The following YEATS2 variants were observed in gnomAD, a reference collection of about 807,000 sequenced individuals.
YEATS2 encodes the protein YEATS domain containing 2.
A neutral mutation model predicts 163.2 loss-of-function variants in YEATS2; 77 were observed. That is an observed-to-expected ratio of 0.47 (90% confidence interval 0.39 to 0.57). The LOEUF (loss-of-function observed/expected upper bound fraction) is 0.57. Among genes scored for constraint, YEATS2 ranks in the 20% least tolerant of loss-of-function variants. YEATS2 has a pLI of 0.00. For missense variants in YEATS2, 1,549 were observed against 1,729.8 expected, an observed-to-expected ratio of 0.90 and a Z score of 1.85; for synonymous variants, 631 against 645.1, an observed-to-expected ratio of 0.98 and a Z score of 0.33.
chr3:183,709,756 C>A (rs1714994187), intron 1 of YEATS2, among the ~76,000 whole-genome samples: 1 of 150,320 alleles, frequency 6.7e-6, no homozygotes, highest in Non-Finnish European at 1.5e-5. Context: ...CGGCTCACTG[C>A]AAGCTCCACC....
intron 1 of YEATS2, among the ~76,000 whole-genome samples, chr3:183,705,184 G>T (rs1447924253): frequency 6.6e-6 from 1 of 151,948 alleles, no homozygotes; most frequent in East Asian, 1.9e-4. Flanking sequence ...CAAGTAGCTG[G>T]GAGTACAGGT....
intron 6 of YEATS2, 49 bp from the exon 7 acceptor site, chr3:183,728,641 G>T: frequency 1.4e-6 from 2 of 1,473,976 alleles, no homozygotes; most frequent in Non-Finnish European, 1.8e-6. Flanking sequence ...ATTTAGTTAG[G>T]TTTTTGAAGG....
intron 2 of YEATS2, among the ~76,000 whole-genome samples, chr3:183,717,110 C>G (rs1715975842): frequency 1.3e-5 from 2 of 152,020 alleles, no homozygotes; most frequent in South Asian, 4.2e-4. Context: ...CCAGGCTGGT[C>G]TCAAACTCCT....
rs1176974770 is a variant in YEATS2 at position 183,796,148 on chromosome 3, A to ATTTTTTTT, written c.3098-1761_3098-1754dup. On this transcript the variant is annotated intron_variant, in intron 21 of 30. Coordinates refer to ENST00000305135, the MANE Select transcript of YEATS2 (RefSeq NM_018023.5). ...CAGGCACCTGCCACCATGCCCGGCT[A>ATTTTTTTT]TTTTTTTTTTTTTTTTTTTTTGTAT... Among the ~76,000 whole-genome samples, 53 of 96,042 alleles carry ATTTTTTTT rather than the reference A, an allele frequency of 5.5e-4. 1 individual carries two copies. The highest frequency in any genetic ancestry group is 1.7e-3 in the African/African-American group (39 of 23,308). The allele number at this position is 96,042 out of a possible 152,430, so 63.0% of individuals were successfully genotyped here.
intron 19 of YEATS2, among the ~76,000 whole-genome samples, chr3:183,783,087 C>T (rs1353679602): frequency 6.6e-6 from 1 of 152,182 alleles, no homozygotes; most frequent in Non-Finnish European, 1.5e-5. Flanking sequence ...GCAAATTATG[C>T]CATGGCTATT....
At chr3:183,803,944 G>T in intron 26 of YEATS2, 43 bp from the exon 27 acceptor site, 2 of 1,599,130 alleles carry the variant, frequency 1.3e-6, no homozygotes, top group Non-Finnish European at 1.7e-6. Flanking sequence ...GTGTTAAGTG[G>T]AAGGATTTGA....
At chr3:183,810,127 G>A (rs1028908195) in intron 30 of YEATS2, 1 of 208,608 alleles carries the variant, frequency 4.8e-6, no homozygotes, top group Non-Finnish European at 9.7e-6. Flanking sequence ...TCTAGGAGAT[G>A]GGAAATAAGG....
intron 7 of YEATS2, among the ~76,000 whole-genome samples, chr3:183,733,649 C>A (rs1214088652): frequency 6.6e-6 from 1 of 152,172 alleles, no homozygotes; most frequent in East Asian, 1.9e-4. Flanking sequence ...CGGCTGCCTT[C>A]AAACTTGGGG....
rs772138647 is a variant in YEATS2 at position 183,797,930 on chromosome 3, A to G, written c.3105A>G (p.Leu1035=). The part of the protein sequence containing the change: ...ISGKATVSGL[L]KIHSSQSSPQ... Reference sequence around the variant, plus strand: ...TCTTCCAATTTGTTCTAGGACTGTTAAAGATTCACTCCAGTCAGTCCAGTC... The same window carrying G: ...TCTTCCAATTTGTTCTAGGACTGTTGAAGATTCACTCCAGTCAGTCCAGTC... The change falls in exon 22 of 31, where the codon TTA becomes TTG. Residue 1035 remains leucine (L), a synonymous_variant. Transcript: ENST00000305135. 1.2e-6 allele frequency: 2 copies of G among 1,614,016 alleles called. No individual in the cohort carries two copies. The highest frequency in any genetic ancestry group is 2.2e-5 in the South Asian group (2 of 91,076).
chr3:183,733,659 G>T (rs1718042308), intron 7 of YEATS2, among the ~76,000 whole-genome samples: 1 of 152,172 alleles, frequency 6.6e-6, no homozygotes, highest in Non-Finnish European at 1.5e-5. Flanking sequence ...CAAACTTGGG[G>T]TTAATCTTAT....
chr3:183,801,490 C>T lies in YEATS2; in HGVS notation c.3464C>T (p.Thr1155Ile). 6.2e-7 allele frequency: 1 copy of T among 1,611,252 alleles called. No homozygotes were observed. Among genetic ancestry groups the T allele is most frequent in the Non-Finnish European group, 8.5e-7 (1 of 1,178,702 alleles). The change falls in exon 25 of 31, where the codon ACT becomes ATT. Residue 1155 changes from threonine to isoleucine, a missense_variant. Coordinates refer to ENST00000305135, the MANE Select transcript of YEATS2 (RefSeq NM_018023.5). ...DHLETIQQLL[T>I]AVVKKIPLIT... is the part of the protein sequence containing the mutation. ...TTAGAAACTATCCAGCAACTCCTAA[C>T]TGCAGTAGTAAAGAAGATTCCATTA...
chr3:183,769,194 T>C (rs578223777), intron 15 of YEATS2, among the ~76,000 whole-genome samples: 2 of 152,312 alleles, frequency 1.3e-5, no homozygotes, highest in South Asian at 4.1e-4. Flanking sequence ...TTTTAACAAT[T>C]ACCAGCATTT....
chr3:183,755,741 CTTTTTTTT>C (rs57050296), intron 11 of YEATS2, among the ~76,000 whole-genome samples: 30 of 82,208 alleles, frequency 3.6e-4, no homozygotes, highest in African/African-American at 6.0e-4. Context: ...TCCTTCCTTT[CTTTTTTTT>C]TTTTTTTTTT....
At chr3:183,769,669 A>G (rs533283758) in intron 15 of YEATS2, among the ~76,000 whole-genome samples, 2 of 152,244 alleles carry the variant, frequency 1.3e-5, no homozygotes, top group African/African-American at 4.8e-5. Flanking sequence ...ATAGTTTATA[A>G]TATTTGATTA....
At chr3:183,703,418 A>G (rs1714313629) in intron 1 of YEATS2, among the ~76,000 whole-genome samples, 1 of 152,184 alleles carries the variant, frequency 6.6e-6, no homozygotes, top group Non-Finnish European at 1.5e-5. Context: ...TCTGTCTCCT[A>G]GAGTTCCCTT....
At chr3:183,702,558 C>T (rs935825035) in intron 1 of YEATS2, among the ~76,000 whole-genome samples, 4 of 151,930 alleles carry the variant, frequency 2.6e-5, no homozygotes, top group African/African-American at 7.3e-5. Context: ...TAAAAGTGGC[C>T]GGGTGCTGTA....
chr3:183,786,197 C>G lies in YEATS2; in HGVS notation c.2809C>G (p.Gln937Glu). 6.2e-7 allele frequency: 1 copy of G among 1,614,186 alleles called. No homozygotes were observed. The highest frequency in any genetic ancestry group is 8.5e-7 in the Non-Finnish European group (1 of 1,180,028). The change falls in exon 20 of 31, where the codon CAG becomes GAG. Residue 937 changes from glutamine to glutamate, a missense_variant. Transcript: ENST00000305135. ...CTTGAAGACTGTGCCAGCCACCTCA[C>G]AGCTCTCGAAGCCTGGAACCACAAT... ...STLKTVPATS[Q>E]LSKPGTTMLR...
intron 20 of YEATS2, among the ~76,000 whole-genome samples, chr3:183,789,885 A>G (rs1240596526): frequency 6.6e-6 from 1 of 152,032 alleles, no homozygotes; most frequent in Non-Finnish European, 1.5e-5. Context: ...ACCAAACTTT[A>G]TTCTTTTTTA....
chr3:183,721,073 G>A (rs1221445199), intron 4 of YEATS2, among the ~76,000 whole-genome samples: 1 of 152,132 alleles, frequency 6.6e-6, no homozygotes, highest in African/African-American at 2.4e-5. Context: ...TTGATAGTCT[G>A]GAAATATGCT....
Sources: gnomAD v4.1 joint callset for allele counts (sites outside exome capture counted in the v4.1 genomes callset) on GRCh38, gnomAD v4.1.1 for gene constraint, MANE v1.5 for transcripts, NCBI Gene and HGNC (gene_info 2026-07-23, HGNC 2026-07-21) for gene names.